CFAP54: variants seen among roughly 807,000 people sequenced by gnomAD.
The protein encoded by CFAP54 is cilia- and flagella-associated protein 54.
In CFAP54, 290 loss-of-function variants were observed where a neutral mutation model predicts 370.4. The ratio of observed to expected loss-of-function variants is 0.78; its 90% CI spans 0.71 to 0.86. The LOEUF is 0.86. Ranked by LOEUF, CFAP54 falls within the 40% of genes least tolerant of loss-of-function variation. CFAP54 has a pLI of 0.00. For missense variants in CFAP54, 3,399 were observed against 3,528.7 expected, an observed-to-expected ratio of 0.96 and a Z score of 0.93; for synonymous variants, 1,206 against 1,236.5, an observed-to-expected ratio of 0.98 and a Z score of 0.52.
intron 40 of CFAP54, chr12:96,682,122 A>T: frequency 1.1e-6 from 1 of 942,552 alleles, no homozygotes; most frequent in African/African-American, 1.8e-5. Context: ...ATTTATTATT[A>T]TTATTTTTCA....
At chr12:96,787,626 C>T (rs1958641631) in intron 62 of CFAP54, among the ~76,000 whole-genome samples, 3 of 152,156 alleles carry the variant, frequency 2.0e-5, no homozygotes, top group Admixed American at 2.0e-4. Context: ...ATTTGGTATT[C>T]AACCAACCTA....
At chr12:96,609,247 G>T (rs897319937) in intron 26 of CFAP54, among the ~76,000 whole-genome samples, 1 of 152,118 alleles carries the variant, frequency 6.6e-6, no homozygotes, top group Non-Finnish European at 1.5e-5. Flanking sequence ...GTCACTTTCT[G>T]GTCTTAGGAC....
chr12:96,697,983 G>GA (rs1957453785), intron 45 of CFAP54, among the ~76,000 whole-genome samples: 1 of 152,190 alleles, frequency 6.6e-6, no homozygotes, highest in Non-Finnish European at 1.5e-5. Flanking sequence ...TCCCTTAGCA[G>GA]ATTTTCATGT....
intron 32 of CFAP54, 96 bp from the exon 33 acceptor site, chr12:96,644,082 A>T: frequency 2.6e-6 from 2 of 779,886 alleles, no homozygotes; most frequent in Non-Finnish European, 4.0e-6. Flanking sequence ...CAGTCAAGTG[A>T]CTTATTGATG....
intron 50 of CFAP54, among the ~76,000 whole-genome samples, chr12:96,738,756 G>A (rs1465345160): frequency 1.3e-5 from 2 of 151,868 alleles, no homozygotes; most frequent in African/African-American, 2.4e-5. Context: ...GACTACAGAC[G>A]CGTGCCACCA....
chr12:96,619,963 G>A (rs1956467400), intron 26 of CFAP54, among the ~76,000 whole-genome samples: 1 of 151,868 alleles, frequency 6.6e-6, no homozygotes, highest in African/African-American at 2.4e-5. Context: ...CCCAGGCATG[G>A]GATTTTTAGA....
At chr12:96,672,330 C>T (rs1009571556) in intron 39 of CFAP54, among the ~76,000 whole-genome samples, 1 of 152,018 alleles carries the variant, frequency 6.6e-6, no homozygotes, top group Non-Finnish European at 1.5e-5. Context: ...AGAATAAACC[C>T]AAGCAGGGAA....
Position 96,518,961 on chromosome 12 carries a change from A to G in CFAP54, c.832A>G (p.Met278Val). The change falls in exon 6 of 68, where the codon ATG (methionine) becomes GTG (valine). Residue 278 changes from methionine to valine, a missense_variant. By Grantham distance (21) the Met-to-Val change is conservative. This residue lies in a region of CFAP54 where 559 missense variants were observed against 576.7 expected (regional missense o/e 0.97). Transcript: ENST00000524981. ...GTATCTCCTGTGGGCCAGCATGTGT[A>G]TGGAGTCCTTGGTCCCGCTCCTGTC... The part of the protein sequence containing the change: ...LEYLLWASMC[M>V]ESLVPLLSLR... The G allele has an allele frequency of 6.5e-7, 1 of 1,535,968 alleles. No homozygotes were observed. The highest frequency in any genetic ancestry group is 8.7e-7 in the Non-Finnish European group (1 of 1,146,840).
Position 96,621,585 on chromosome 12 carries a change from A to G in CFAP54, c.3640-5A>G, listed in dbSNP as rs1386029806. 1.4e-6 allele frequency: 2 copies of G among 1,448,236 alleles called. No homozygotes were observed. Among genetic ancestry groups the G allele is most frequent in the Admixed American group, 2.2e-5 (1 of 45,908 alleles). 89.7% of individuals were successfully genotyped at this position (1,448,236 alleles called of 1,614,324 possible). A position where few individuals can be genotyped will look rare whatever the true frequency, so the allele number is the denominator to read the frequency against. On this transcript the variant is annotated splice_region_variant and splice_polypyrimidine_tract_variant and intron_variant, in intron 26 of 67. Transcript: ENST00000524981. ...CAGAGATAATTAATAAATATTTTAA[A>G]TTAGATTCTTCGTTCATGGAGGGAA...
chr12:96,797,965 T>C (rs1958783983), intron 63 of CFAP54, among the ~76,000 whole-genome samples: 1 of 152,054 alleles, frequency 6.6e-6, no homozygotes, highest in Non-Finnish European at 1.5e-5. Context: ...TTTTTCACTA[T>C]AAGTTTTGAA....
chr12:96,570,080 A>G lies in CFAP54; in HGVS notation c.2619+5315A>G, dbSNP rs114449639. 4.7e-3 allele frequency among the ~76,000 whole-genome samples: 708 copies of G among 152,164 alleles called. 4 individuals are homozygous for G. Among genetic ancestry groups the G allele is most frequent in the African/African-American group, 0.016 (674 of 41,520 alleles). On this transcript the variant is annotated intron_variant, in intron 19 of 67. Coordinates refer to ENST00000524981, the MANE Select transcript of CFAP54 (RefSeq NM_001306084.2). ...CAGCCTCGACCTCCTGGGTTCAGCC[A>G]TTCTCCTACCTCAGCCTCCTGAGTA...
At chr12:96,735,628 A>G (rs181859092) in intron 50 of CFAP54, among the ~76,000 whole-genome samples, 1 of 152,368 alleles carries the variant, frequency 6.6e-6, no homozygotes, top group East Asian at 1.9e-4. Flanking sequence ...GTGATAGAGT[A>G]TAAAGATAAC....
intron 63 of CFAP54, among the ~76,000 whole-genome samples, chr12:96,799,651 A>AT (rs1958802200): frequency 6.6e-6 from 1 of 152,218 alleles, no homozygotes; most frequent in Admixed American, 6.5e-5. Context: ...ATAACTCTCC[A>AT]GATACCTTTC....
rs1235791909 is a variant in CFAP54 at position 96,489,618 on chromosome 12, G to T, written c.9G>T (p.Ala3=). Residue 3 remains alanine, a synonymous_variant, in exon 1 of 68, where the codon GCG becomes GCT. Coordinates refer to ENST00000524981, the MANE Select transcript of CFAP54 (RefSeq NM_001306084.2). The part of the protein sequence containing the change: MA[A]QGSPSSSPSD... ...GGCCGGGGCGCGTCAATATGGCGGCGCAGGGCTCCCCCTCGAGCTCTCCGT... is the reference window on the plus strand; with the variant it reads ...GGCCGGGGCGCGTCAATATGGCGGCTCAGGGCTCCCCCTCGAGCTCTCCGT... The T allele has an allele frequency of 6.6e-7, 1 of 1,518,802 alleles. No individual in the cohort carries two copies. Among genetic ancestry groups the T allele is most frequent in the Admixed American group, 2.0e-5 (1 of 50,132 alleles). The allele number at this position is 1,518,802 out of a possible 1,614,324, so 94.1% of individuals were successfully genotyped here.
chr12:96,709,175 G>T (rs1162710018), intron 48 of CFAP54, among the ~76,000 whole-genome samples: 1 of 152,202 alleles, frequency 6.6e-6, no homozygotes, highest in African/African-American at 2.4e-5. Context: ...TATATTGACT[G>T]TATAGTATTC....
At chr12:96,573,745 A>G (rs1298807239) in intron 19 of CFAP54, among the ~76,000 whole-genome samples, 7 of 152,330 alleles carry the variant, frequency 4.6e-5, no homozygotes, top group East Asian at 3.9e-4. Context: ...CAGTGATTCA[A>G]ACAGTTACAC....
At chr12:96,828,965 G>T in intron 65 of CFAP54, 49 bp from the exon 66 acceptor site, 2 of 927,654 alleles carry the variant, frequency 2.2e-6, no homozygotes, top group Non-Finnish European at 3.2e-6. Flanking sequence ...GTAATATTTA[G>T]GTTTCTAATA....
At chr12:96,818,958 A>G (rs1472460696) in intron 65 of CFAP54, among the ~76,000 whole-genome samples, 1 of 152,188 alleles carries the variant, frequency 6.6e-6, no homozygotes, top group Non-Finnish European at 1.5e-5. Flanking sequence ...TTAAATTACC[A>G]TTTGTACCTT....
intron 17 of CFAP54, among the ~76,000 whole-genome samples, chr12:96,564,241 T>C (rs1351381204): frequency 6.6e-6 from 1 of 152,200 alleles, no homozygotes; most frequent in Non-Finnish European, 1.5e-5. Flanking sequence ...AAATCAAATA[T>C]TTTTATAATT....
Sources: gnomAD v4.1 joint callset for allele counts (sites outside exome capture counted in the v4.1 genomes callset) on GRCh38, gnomAD v4.1.1 for gene constraint, gnomAD v4.1.1 regional missense constraint, MANE v1.5 for transcripts, NCBI Gene and HGNC (gene_info 2026-07-23, HGNC 2026-07-21) for gene names.